The following CFAP20DC variants were observed in gnomAD, a reference collection of about 807,000 sequenced individuals.
CFAP20DC encodes the protein CFAP20 domain containing.
In CFAP20DC, 84 loss-of-function variants were observed where a neutral mutation model predicts 101.7. The ratio of observed to expected loss-of-function variants is 0.83; its 90% confidence interval spans 0.69 to 0.99. CFAP20DC has a LOEUF of 0.99. Among genes scored for constraint, CFAP20DC ranks in the 50% least tolerant of loss-of-function variants. The probability of loss-of-function intolerance (pLI) is 0.00; values close to 1 mark genes in which losing one functional copy is unlikely to be tolerated. For missense variants in CFAP20DC, 1,007 were observed against 970.3 expected (o/e 1.04, Z -0.50); for synonymous variants, 359 against 351.2 (o/e 1.02, Z -0.25).
rs866807155 is a variant in CFAP20DC at position 58,990,878 on chromosome 3, T to C, written c.278+48679A>G. Among the ~76,000 whole-genome samples the C allele has an allele frequency of 7.9e-5, 12 of 152,230 alleles. 1 individual carries two copies. The Middle Eastern group carries it at 0.014, about 173-fold the overall frequency. On this transcript the variant is annotated intron_variant, in intron 4 of 16. Transcript: ENST00000482387. ...TCAAATAGGAATATTCAACCTGTGC[T>C]CTGCGCACTTATTTCTTAACACTCA...
chr3:58,826,481 C>A (rs2076050324), intron 14 of CFAP20DC, among the ~76,000 whole-genome samples: 1 of 152,002 alleles, frequency 6.6e-6, no homozygotes, highest in Non-Finnish European at 1.5e-5. Context: ...ACGGGCACTG[C>A]TGTGTGATGT....
chr3:58,847,248 A>C (rs1246262800), intron 13 of CFAP20DC, among the ~76,000 whole-genome samples: 4 of 127,850 alleles, frequency 3.1e-5, no homozygotes, highest in African/African-American at 1.2e-4. Flanking sequence ...ATGGGAGAAA[A>C]TTTTCGCAAC....
At chr3:59,025,022 A>G (rs144092729) in intron 4 of CFAP20DC, among the ~76,000 whole-genome samples, 2 of 152,266 alleles carry the variant, frequency 1.3e-5, no homozygotes, top group East Asian at 1.9e-4. Context: ...AAAATGAGAA[A>G]GCCCTGTTTA....
At chr3:58,970,451 G>A (rs909224407) in intron 4 of CFAP20DC, 1 of 152,192 alleles carries the variant, frequency 6.6e-6, no homozygotes, top group African/African-American at 2.4e-5. Flanking sequence ...GAATCCGAAA[G>A]ACTGCTGGCA....
intron 8 of CFAP20DC, 116 bp downstream of exon 8, chr3:58,870,053 GTGTC>G (rs10670247): frequency 2.0e-3 from 1,801 of 910,226 alleles, no homozygotes; most frequent in South Asian, 5.7e-3. Flanking sequence ...TTGGCATGTA[GTGTC>G]TGTCTGTCTG....
chr3:58,841,524 T>A (rs1375914719), intron 13 of CFAP20DC, among the ~76,000 whole-genome samples: 1 of 152,254 alleles, frequency 6.6e-6, no homozygotes. Flanking sequence ...ATACTGAGTT[T>A]AAATATATCG....
chr3:58,974,198 C>G (rs748533067), intron 4 of CFAP20DC, among the ~76,000 whole-genome samples: 6 of 152,064 alleles, frequency 3.9e-5, no homozygotes, highest in Admixed American at 1.3e-4. Context: ...ATGATCTTGT[C>G]ACCTAGGTAG....
chr3:58,755,365 G>A (rs2107281139), intron 15 of CFAP20DC, among the ~76,000 whole-genome samples: 1 of 152,210 alleles, frequency 6.6e-6, no homozygotes, highest in South Asian at 2.1e-4. Context: ...CTTAATTATA[G>A]CAGACCAAAA....
At chr3:58,812,517 G>C (rs949025122) in intron 14 of CFAP20DC, among the ~76,000 whole-genome samples, 2 of 151,380 alleles carry the variant, frequency 1.3e-5, no homozygotes, top group Non-Finnish European at 2.9e-5. Context: ...AGAACACATG[G>C]ACACAGGAAG....
chr3:58,716,275 C>A (rs1298578027), downstream of CFAP20DC, among the ~76,000 whole-genome samples: 8 of 150,524 alleles, frequency 5.3e-5, no homozygotes, highest in Non-Finnish European at 1.0e-4. Flanking sequence ...CATTCTCCTG[C>A]CTCAGCCTCC....
intron 13 of CFAP20DC, among the ~76,000 whole-genome samples, chr3:58,843,241 A>C (rs1387281674): frequency 6.6e-6 from 1 of 152,090 alleles, no homozygotes; most frequent in African/African-American, 2.4e-5. Context: ...TTCAAACCAA[A>C]GGCAAAGAAG....
chr3:58,919,815 T>G (rs1015082539), intron 5 of CFAP20DC, among the ~76,000 whole-genome samples: 9 of 152,188 alleles, frequency 5.9e-5, no homozygotes, highest in African/African-American at 2.2e-4. Flanking sequence ...TGCTAGTGTA[T>G]AGAAATACAA....
intron 12 of CFAP20DC, among the ~76,000 whole-genome samples, chr3:58,860,742 C>G (rs538680497): frequency 1.3e-5 from 2 of 152,262 alleles, no homozygotes; most frequent in Admixed American, 1.3e-4. Context: ...ACATAAAATA[C>G]AAAATAGAGA....
chr3:59,012,349 T>C (rs1015288755), intron 4 of CFAP20DC, among the ~76,000 whole-genome samples: 1 of 152,102 alleles, frequency 6.6e-6, no homozygotes, highest in Non-Finnish European at 1.5e-5. Context: ...GTCCAGTGGT[T>C]TTAGACAGCA....
Position 58,799,709 on chromosome 3 carries a change from GTGTGTGTGTGTC to G in CFAP20DC, c.2237+6674_2237+6685del, listed in dbSNP as rs1284879198. 9.5e-5 allele frequency among the ~76,000 whole-genome samples: 14 copies of G among 147,686 alleles called. No individual in the cohort carries two copies. Among genetic ancestry groups the G allele is most frequent in the Admixed American group, 2.7e-4 (4 of 14,798 alleles). On this transcript the variant is annotated intron_variant, in intron 15 of 16. Coordinates refer to ENST00000482387, the MANE Select transcript of CFAP20DC (RefSeq NM_001394063.1). This position sits in a 1 kb window ranked among gnomAD's most constrained non-coding sequence, Gnocchi z 4.9. ...ACATTCCAGCATTCGAGAAGGAGCA[GTGTGTGTGTGTC>G]TGTGTGTGTGTCTGTGTGTGTGTGT...
At chr3:58,840,654 T>C (rs1473280777) in intron 13 of CFAP20DC, among the ~76,000 whole-genome samples, 2 of 152,206 alleles carry the variant, frequency 1.3e-5, no homozygotes, top group East Asian at 1.9e-4. Context: ...AATTAATTTA[T>C]GGAACTTTAT....
chr3:58,783,549 C>A (rs2072037860), intron 15 of CFAP20DC, among the ~76,000 whole-genome samples: 1 of 151,948 alleles, frequency 6.6e-6, no homozygotes, highest in Middle Eastern at 3.2e-3. Flanking sequence ...TATTTGCAAA[C>A]TACTCATTTG....
intron 15 of CFAP20DC, among the ~76,000 whole-genome samples, chr3:58,782,754 A>C (rs2071958858): frequency 6.6e-6 from 1 of 152,122 alleles, no homozygotes. Context: ...CTGATGAAAG[A>C]AATTGAAAAG....
chr3:58,822,344 A>AAAG (rs1278389118), intron 14 of CFAP20DC, among the ~76,000 whole-genome samples: 1 of 148,284 alleles, frequency 6.7e-6, no homozygotes, highest in African/African-American at 2.5e-5. Flanking sequence ...AACAAAAAAA[A>AAAG]CCAAACACCG....
Sources: allele counts gnomAD v4.1 joint callset (sites outside exome capture counted in the v4.1 genomes callset), GRCh38; gene constraint gnomAD v4.1.1; non-coding constraint Gnocchi (gnomAD v3.1); transcripts MANE v1.5; gene names NCBI Gene and HGNC (gene_info 2026-07-23, HGNC 2026-07-21).